CNBD1: variants seen among roughly 807,000 people sequenced by gnomAD.
CNBD1 encodes the protein cyclic nucleotide-binding domain-containing protein 1.
In CNBD1, 71 loss-of-function variants were observed where a neutral mutation model predicts 54.4. That is an observed-to-expected ratio of 1.30 (90% CI 1.08 to 1.59). The LOEUF (loss-of-function observed/expected upper bound fraction) is 1.59, where lower values mean the gene tolerates loss of function less well. CNBD1 is among the 40% of genes most tolerant of loss of function. The pLI, the probability that CNBD1 is intolerant of heterozygous loss-of-function variation, is 0.00. For synonymous variants in CNBD1, 182 were observed against 170.7 expected (o/e 1.07, Z -0.51); for missense variants, 659 against 518.0 (o/e 1.27, Z -2.64).
At chr8:87,400,555 A>T (rs1311754118) in intron 2 of CNBD1, among the ~76,000 whole-genome samples, 1 of 152,022 alleles carries the variant, frequency 6.6e-6, no homozygotes, top group African/African-American at 2.4e-5. Context: ...TTCAAGATAG[A>T]CCCAAGTTCA....
intron 4 of CNBD1, among the ~76,000 whole-genome samples, chr8:87,087,624 C>T (rs968250468): frequency 2.0e-5 from 3 of 151,406 alleles, no homozygotes; most frequent in Non-Finnish European, 2.9e-5. Flanking sequence ...CCACCACGCC[C>T]GGCTATTTTT....
chr8:87,144,562 G>T (rs1275128854), intron 4 of CNBD1, among the ~76,000 whole-genome samples: 1 of 152,206 alleles, frequency 6.6e-6, no homozygotes, highest in Non-Finnish European at 1.5e-5. Flanking sequence ...AAATGTAATT[G>T]TAGAATCCCA....
At chr8:87,092,371 GTA>G (rs1811223541) in intron 4 of CNBD1, among the ~76,000 whole-genome samples, 1 of 149,132 alleles carries the variant, frequency 6.7e-6, no homozygotes, top group Non-Finnish European at 1.5e-5. Flanking sequence ...GTGTGTGTAT[GTA>G]TGTGTGTGTG....
chr8:87,380,675 G>T (rs1227916882), intron 10 of CNBD1, among the ~76,000 whole-genome samples: 1 of 151,820 alleles, frequency 6.6e-6, no homozygotes, highest in Non-Finnish European at 1.5e-5. Flanking sequence ...ATTTGTTTGT[G>T]TTCTTTAATT....
chr8:87,397,432 C>T (rs555888328), intron 2 of CNBD1, among the ~76,000 whole-genome samples: 12 of 151,950 alleles, frequency 7.9e-5, no homozygotes, highest in East Asian at 5.8e-4. Flanking sequence ...ACATGATATT[C>T]GGGCACATTT....
chr8:86,965,842 A>G (rs1312295834), intron 4 of CNBD1, among the ~76,000 whole-genome samples: 1 of 152,178 alleles, frequency 6.6e-6, no homozygotes. Flanking sequence ...TCTCATAGGC[A>G]GATCATCCGT....
intron 4 of CNBD1, among the ~76,000 whole-genome samples, chr8:87,183,507 C>G (rs1467331443): frequency 3.3e-5 from 5 of 151,308 alleles, no homozygotes; most frequent in Admixed American, 3.3e-4. Context: ...TCTTGCCATC[C>G]AGATTCTGAA....
chr8:86,988,835 T>A (rs1218467339), intron 4 of CNBD1, among the ~76,000 whole-genome samples: 1 of 152,206 alleles, frequency 6.6e-6, no homozygotes, highest in Non-Finnish European at 1.5e-5. Flanking sequence ...TCCATCCAAG[T>A]TGAAAACGAC....
chr8:87,179,380 G>T (rs929145356), intron 4 of CNBD1, among the ~76,000 whole-genome samples: 2 of 152,220 alleles, frequency 1.3e-5, no homozygotes, highest in African/African-American at 2.4e-5. Flanking sequence ...TGACTTTAAA[G>T]AATTATCTTG....
chr8:87,175,678 G>T (rs997499019), intron 4 of CNBD1, among the ~76,000 whole-genome samples: 1 of 152,166 alleles, frequency 6.6e-6, no homozygotes, highest in Admixed American at 6.5e-5. Flanking sequence ...GCCATCAGTT[G>T]TATTGCCTGG....
chr8:87,041,450 T>A (rs1381044781), intron 4 of CNBD1, among the ~76,000 whole-genome samples: 1 of 151,866 alleles, frequency 6.6e-6, no homozygotes, highest in African/African-American at 2.4e-5. Flanking sequence ...AGGAGAAAAA[T>A]GTTCTTAGAT....
chr8:87,164,801 A>C (rs1812928052), intron 4 of CNBD1, among the ~76,000 whole-genome samples: 1 of 150,346 alleles, frequency 6.7e-6, no homozygotes, highest in Non-Finnish European at 1.5e-5. Context: ...AATATTTATT[A>C]CTCTCTTCCT....
chr8:87,371,389 C>T (rs978038650), intron 10 of CNBD1, among the ~76,000 whole-genome samples: 1 of 151,952 alleles, frequency 6.6e-6, no homozygotes, highest in Non-Finnish European at 1.5e-5. Flanking sequence ...TTGTTTGTAT[C>T]CTCTTTTATT....
intron 8 of CNBD1, among the ~76,000 whole-genome samples, chr8:87,330,829 A>T (rs1809810377): frequency 6.6e-6 from 1 of 152,174 alleles, no homozygotes; most frequent in South Asian, 2.1e-4. Context: ...TTAAAATATG[A>T]ATTAGAATTT....
intron 2 of CNBD1, among the ~76,000 whole-genome samples, chr8:87,389,286 A>G (rs1174319245): frequency 6.6e-6 from 1 of 152,200 alleles, no homozygotes; most frequent in Non-Finnish European, 1.5e-5. Context: ...AAGGGTATTC[A>G]ATTAGGAAAA....
intron 6 of CNBD1, among the ~76,000 whole-genome samples, chr8:87,247,687 C>A (rs13274047): frequency 6.6e-6 from 1 of 151,944 alleles, no homozygotes; most frequent in Non-Finnish European, 1.5e-5. Context: ...AGTGATCTAC[C>A]TTTAGAAAGC....
At chr8:87,046,105 T>C (rs1318229575) in intron 4 of CNBD1, among the ~76,000 whole-genome samples, 2 of 146,098 alleles carry the variant, frequency 1.4e-5, no homozygotes, top group Non-Finnish European at 3.0e-5. Context: ...TGTAAAAACA[T>C]CTAGGGCTCA....
chr8:87,323,204 G>C (rs1487276339), intron 8 of CNBD1, among the ~76,000 whole-genome samples: 16 of 118,630 alleles, frequency 1.3e-4, no homozygotes, highest in African/African-American at 5.1e-4. Context: ...TTTGGTTACT[G>C]TAGCCTTGTA....
chr8:87,021,160 C>T (rs1330107566), intron 4 of CNBD1, among the ~76,000 whole-genome samples: 1 of 152,224 alleles, frequency 6.6e-6, no homozygotes, highest in Non-Finnish European at 1.5e-5. Flanking sequence ...ACCTTGGGCA[C>T]GTGTTCTCAA....
Sources: gnomAD v4.1 joint callset for allele counts (sites outside exome capture counted in the v4.1 genomes callset) on GRCh38, gnomAD v4.1.1 for gene constraint, MANE v1.5 for transcripts, NCBI Gene and HGNC (gene_info 2026-07-23, HGNC 2026-07-21) for gene names.